COPG2: variants seen among roughly 807,000 people sequenced by gnomAD.
COPG2 encodes the protein coatomer subunit gamma-2.
Under a neutral mutation model 46.3 loss-of-function variants are expected in COPG2, and 37 were observed. The ratio of observed to expected loss-of-function variants is 0.80; its 90% CI spans 0.61 to 1.05. The LOEUF is 1.05. Ranked by LOEUF, COPG2 falls within the 50% of genes least tolerant of loss-of-function variation. The pLI, the probability that COPG2 is intolerant of heterozygous loss-of-function variation, is 0.00. For synonymous variants in COPG2, 159 were observed against 129.7 expected (o/e 1.23, Z -1.53); for missense variants, 427 against 387.8 (o/e 1.10, Z -0.85).
intron 9 of COPG2, among the ~76,000 whole-genome samples, chr7:130,565,483 A>T (rs1423723072): frequency 1.3e-5 from 2 of 152,200 alleles, no homozygotes; most frequent in Non-Finnish European, 1.5e-5. Flanking sequence ...TTGTCACATT[A>T]TAATATTTAA....
chr7:130,514,175 T>C (rs1048540903), intron 20 of COPG2, among the ~76,000 whole-genome samples: 1 of 152,156 alleles, frequency 6.6e-6, no homozygotes, highest in Non-Finnish European at 1.5e-5. Context: ...ATGCGAAGCT[T>C]TTGTGAGAAG....
At chr7:130,526,284 G>A (rs1404844349) in intron 20 of COPG2, among the ~76,000 whole-genome samples, 1 of 152,150 alleles carries the variant, frequency 6.6e-6, no homozygotes, top group Non-Finnish European at 1.5e-5. Flanking sequence ...GGAAAAGTTT[G>A]AGCGGTGAGG....
Position 130,506,656 on chromosome 7 carries a change from T to G in COPG2, c.*20A>C, listed in dbSNP as rs368913054. On this transcript the variant is annotated 3_prime_UTR_variant, in exon 24 of 24. Transcript: ENST00000425248. ...ACTGACCATGTAGTGTGCATCAGTT[T>G]CCTCTTGTCCAGTAAGCATTTATCC... 1.3e-6 allele frequency: 1 copy of G among 776,224 alleles called. No individual in the cohort carries two copies. The highest frequency in any genetic ancestry group is 2.4e-5 in the East Asian group (1 of 41,056). The allele number at this position is 776,224 out of a possible 1,614,324, so 48.1% of individuals were successfully genotyped here.
At chr7:130,518,443 G>T (rs1466539678) in intron 20 of COPG2, among the ~76,000 whole-genome samples, 1 of 152,152 alleles carries the variant, frequency 6.6e-6, no homozygotes, top group Non-Finnish European at 1.5e-5. Context: ...TGGGCAAGTG[G>T]TTTATTTGGT....
intron 20 of COPG2, among the ~76,000 whole-genome samples, chr7:130,532,348 A>G (rs1334783503): frequency 6.6e-6 from 1 of 152,118 alleles, no homozygotes; most frequent in Non-Finnish European, 1.5e-5. Flanking sequence ...TGTGCGGGTG[A>G]GAGCAGACAG....
At chr7:130,604,263 T>C (rs964788947) in intron 9 of COPG2, among the ~76,000 whole-genome samples, 2 of 152,168 alleles carry the variant, frequency 1.3e-5, no homozygotes, top group East Asian at 1.9e-4. Flanking sequence ...CCAATTGGGA[T>C]TGTAATTAGG....
chr7:130,517,298 T>C (rs1197414765), intron 20 of COPG2, among the ~76,000 whole-genome samples: 1 of 151,924 alleles, frequency 6.6e-6, no homozygotes, highest in Non-Finnish European at 1.5e-5. Context: ...CTAGATGGAG[T>C]GGCAACTAGG....
At chr7:130,621,535 C>T (rs1273457283) in intron 5 of COPG2, among the ~76,000 whole-genome samples, 2 of 152,134 alleles carry the variant, frequency 1.3e-5, no homozygotes, top group African/African-American at 4.8e-5. Flanking sequence ...TACAGCTGGG[C>T]ACGGTGCTCA....
In COPG2 at chr7:130,548,459, T is replaced by C. The variant is rs1793480312; in HGVS notation, c.1921A>G (p.Thr641Ala). 1 of 398,618 alleles carries C rather than the reference T, an allele frequency of 2.5e-6. No homozygotes were observed. The highest frequency in any genetic ancestry group is 1.3e-4 in the South Asian group (1 of 7,858). The allele number at this position is 398,618 out of a possible 1,614,324, so 24.7% of individuals were successfully genotyped here. Residue 641 changes from threonine to alanine, a missense_variant, in exon 19 of 24, where the codon ACA (threonine) becomes GCA (alanine). By Grantham distance (58) the Thr-to-Ala change is moderately conservative. Transcript: ENST00000425248. ...TTGATACATCGAACAAAATATTCTGTCTCTGCTTCTGTAAGTTGAACAGGC... is the reference window on the plus strand; with the variant it reads ...TTGATACATCGAACAAAATATTCTGCCTCTGCTTCTGTAAGTTGAACAGGC... ...SEPVQLTEAE[T>A]EYFVRCIKHM...
intron 8 of COPG2, 53 bp downstream of exon 8, chr7:130,612,099 A>G: frequency 7.8e-7 from 1 of 1,278,178 alleles, no homozygotes. Flanking sequence ...CCTACAATAC[A>G]GGTTTAAAGA....
intron 20 of COPG2, among the ~76,000 whole-genome samples, chr7:130,539,987 G>C (rs1318438065): frequency 6.7e-6 from 1 of 149,004 alleles, no homozygotes; most frequent in Non-Finnish European, 1.5e-5. Flanking sequence ...TTGCAGAAGT[G>C]TGAATCTTGG....
At position 130,611,101 on chromosome 7, in the gene COPG2, A is replaced by G. The variant is rs1554452017; in HGVS notation, c.589T>C (p.Leu197=). ...SDNIMVQYHA[L]GVLYHLRKND... Reference sequence around the variant, plus strand: ...TTTCTAAGGTGATACAGGACTCCCAATGCATGGTACTAAAGAACATGAAAA... The same window carrying G: ...TTTCTAAGGTGATACAGGACTCCCAGTGCATGGTACTAAAGAACATGAAAA... The change falls in exon 9 of 24, where the codon TTG becomes CTG. Residue 197 remains leucine, a synonymous_variant. Transcript: ENST00000425248. 1.2e-6 allele frequency: 2 copies of G among 1,613,428 alleles called. No individual in the cohort carries two copies. Among genetic ancestry groups the G allele is most frequent in the Admixed American group, 1.7e-5 (1 of 60,010 alleles).
At chr7:130,507,122 C>G (rs1453697291) in intron 23 of COPG2, among the ~76,000 whole-genome samples, 152 bp downstream of exon 23, 1 of 152,086 alleles carries the variant, frequency 6.6e-6, no homozygotes, top group African/African-American at 2.4e-5. Flanking sequence ...CCAAGAATAG[C>G]ATGCAAAACA....
intron 5 of COPG2, among the ~76,000 whole-genome samples, chr7:130,647,033 A>T (rs953198483): frequency 1.8e-5 from 2 of 114,192 alleles, no homozygotes; most frequent in African/African-American, 7.5e-5. Flanking sequence ...ATGTGTATAT[A>T]TATATTTATT....
intron 10 of COPG2, among the ~76,000 whole-genome samples, chr7:130,563,942 G>T (rs1199113656): frequency 6.6e-6 from 1 of 151,432 alleles, no homozygotes; most frequent in Non-Finnish European, 1.5e-5. Context: ...AAGGAAAACT[G>T]TAAAATGTTT....
At chr7:130,566,549 G>A (rs1053935927) in intron 9 of COPG2, among the ~76,000 whole-genome samples, 3 of 152,334 alleles carry the variant, frequency 2.0e-5, no homozygotes, top group South Asian at 2.1e-4. Context: ...GAGAGTTGGC[G>A]GCTCTACAGC....
At chr7:130,589,695 C>A (rs1794358381) in intron 9 of COPG2, among the ~76,000 whole-genome samples, 2 of 152,172 alleles carry the variant, frequency 1.3e-5, no homozygotes, top group Admixed American at 6.5e-5. Context: ...ACACTAGATA[C>A]TACAAAACAC....
At chr7:130,633,267 C>T (rs577685748) in intron 5 of COPG2, among the ~76,000 whole-genome samples, 11 of 152,042 alleles carry the variant, frequency 7.2e-5, no homozygotes, top group Non-Finnish European at 1.0e-4. Context: ...CCCAGTAATG[C>T]GATTACTGGC....
At chr7:130,520,486 C>A (rs1264453137) in intron 20 of COPG2, among the ~76,000 whole-genome samples, 1 of 152,182 alleles carries the variant, frequency 6.6e-6, no homozygotes, top group Non-Finnish European at 1.5e-5. Context: ...AGCCTAAATA[C>A]TTGTTAATAT....
Sources: gnomAD v4.1 joint callset for allele counts (sites outside exome capture counted in the v4.1 genomes callset) on GRCh38, gnomAD v4.1.1 for gene constraint, MANE v1.5 for transcripts, NCBI Gene and HGNC (gene_info 2026-07-23, HGNC 2026-07-21) for gene names.